The following ABCA12 variants were observed in gnomAD, a reference collection of about 807,000 sequenced individuals.
ABCA12 encodes ATP binding cassette subfamily A member 12.
In ABCA12, 156 loss-of-function variants were observed where a neutral mutation model predicts 293.5. The observed-to-expected ratio is 0.53, with a 90% confidence interval of 0.47 to 0.61. The LOEUF (loss-of-function observed/expected upper bound fraction) is 0.61. Among genes scored for constraint, ABCA12 ranks in the 20% least tolerant of loss-of-function variants. ABCA12 has a pLI of 0.00. For missense variants in ABCA12, 2,797 were observed against 3,090.2 expected (o/e 0.91, Z 2.25); for synonymous variants, 1,063 against 1,108.0 (o/e 0.96, Z 0.81).
At chr2:214,985,818 AC>A (rs1301618933) in intron 28 of ABCA12, among the ~76,000 whole-genome samples, 27 of 152,354 alleles carry the variant, frequency 1.8e-4, no homozygotes, top group African/African-American at 6.5e-4. Context: ...CTTAGAGCTG[AC>A]TCAGCAACTA....
intron 19 of ABCA12, among the ~76,000 whole-genome samples, chr2:215,005,656 C>A (rs1001026668): frequency 6.6e-5 from 10 of 152,196 alleles, no homozygotes; most frequent in African/African-American, 2.4e-4. Flanking sequence ...TAGTTGCAAT[C>A]TGGAGACAAT....
chr2:215,117,092 A>G (rs747888041), intron 1 of ABCA12, among the ~76,000 whole-genome samples: 6 of 152,240 alleles, frequency 3.9e-5, no homozygotes, highest in Admixed American at 1.3e-4. Context: ...ATGGAGCACC[A>G]ATTTCAAATT....
chr2:215,064,693 GCACACACACACACA>G lies in ABCA12; in HGVS notation c.164-488_164-475del, dbSNP rs10541959. 6.2e-3 allele frequency among the ~76,000 whole-genome samples: 873 copies of G among 139,918 alleles called. 4 individuals carry two copies. The highest frequency in any genetic ancestry group is 0.017 in the Middle Eastern group (5 of 288). 91.8% of individuals were successfully genotyped at this position (139,918 alleles called of 152,430 possible). ...GAAGAGTCCTAATCTTTTAATACAC[GCACACACACACACA>G]CACACACACACACACACACACACAC... is the stretch of plus-strand genomic sequence containing the variant. On this transcript the variant is annotated intron_variant, in intron 2 of 52. Coordinates refer to ENST00000272895, the MANE Select transcript of ABCA12 (RefSeq NM_173076.3).
intron 2 of ABCA12, among the ~76,000 whole-genome samples, chr2:215,110,324 C>A (rs1003459297): frequency 6.6e-6 from 1 of 152,118 alleles, no homozygotes; most frequent in East Asian, 1.9e-4. Flanking sequence ...TCCCGGCTAA[C>A]ACAGTGAAAC....
intron 2 of ABCA12, among the ~76,000 whole-genome samples, chr2:215,079,042 G>T (rs978471025): frequency 2.6e-5 from 4 of 152,258 alleles, no homozygotes; most frequent in African/African-American, 9.6e-5. Context: ...TGAACCTTCA[G>T]TAGCCCCTTC....
At chr2:215,120,879 C>A (rs1166679029) in intron 1 of ABCA12, among the ~76,000 whole-genome samples, 2 of 152,186 alleles carry the variant, frequency 1.3e-5, no homozygotes, top group African/African-American at 4.8e-5. Flanking sequence ...TGAAGAGAGA[C>A]AAAATCCCTT....
chr2:215,086,381 G>C (rs950970193), intron 2 of ABCA12, among the ~76,000 whole-genome samples: 1 of 152,192 alleles, frequency 6.6e-6, no homozygotes, highest in African/African-American at 2.4e-5. Context: ...ATTCAAGCCA[G>C]CGAAGCCCTT....
chr2:214,987,369 G>C (rs1198541895), intron 27 of ABCA12, among the ~76,000 whole-genome samples: 2 of 150,820 alleles, frequency 1.3e-5, no homozygotes, highest in South Asian at 2.1e-4. Flanking sequence ...TTGTGGCCAA[G>C]GAACAAAATT....
intron 34 of ABCA12, among the ~76,000 whole-genome samples, 158 bp from the exon 35 acceptor site, chr2:214,975,022 G>A (rs1377525378): frequency 6.6e-6 from 1 of 152,178 alleles, no homozygotes; most frequent in Non-Finnish European, 1.5e-5. Flanking sequence ...GAGTGCAGTA[G>A]TGCAATCACA....
chr2:215,098,695 A>G (rs1042522614), intron 2 of ABCA12, among the ~76,000 whole-genome samples: 2 of 152,252 alleles, frequency 1.3e-5, no homozygotes, highest in African/African-American at 4.8e-5. Flanking sequence ...GACAGATAGC[A>G]TAGAGAGTAG....
chr2:214,965,051 G>A (rs1410504485), intron 39 of ABCA12, among the ~76,000 whole-genome samples: 1 of 151,962 alleles, frequency 6.6e-6, no homozygotes, highest in African/African-American at 2.4e-5. Flanking sequence ...GGAACAGAAT[G>A]GAGAACTCAG....
Position 214,932,537 on chromosome 2 carries a change from C to A in ABCA12, c.*97G>T. The A allele has an allele frequency of 1.1e-6, 1 of 926,058 alleles. No homozygotes were observed. Among genetic ancestry groups the A allele is most frequent in the South Asian group, 1.4e-5 (1 of 71,866 alleles). 57.4% of individuals were successfully genotyped at this position (926,058 alleles called of 1,614,324 possible). The stretch of plus-strand genomic sequence containing the variant: ...ACTTTCCATACAGTATATTACTTTA[C>A]TTTAAAATGAAGATATCTTGCGGAA... On this transcript the variant is annotated 3_prime_UTR_variant, in exon 53 of 53. Transcript: ENST00000272895.
intron 39 of ABCA12, among the ~76,000 whole-genome samples, chr2:214,964,317 C>G (rs1226606098): frequency 4.6e-5 from 7 of 152,108 alleles, no homozygotes; most frequent in African/African-American, 1.7e-4. Context: ...AAAACTGGCA[C>G]AAGACAAGGA....
intron 6 of ABCA12, among the ~76,000 whole-genome samples, chr2:215,049,405 C>T (rs1701272018): frequency 6.6e-6 from 1 of 152,104 alleles, no homozygotes; most frequent in Non-Finnish European, 1.5e-5. Flanking sequence ...TCCACATTAA[C>T]CATAATGTAA....
chr2:214,967,019 T>C (rs16853009), intron 38 of ABCA12, 66 bp from the exon 39 acceptor site: 117,712 of 1,179,976 alleles, frequency 0.1, 9,818 homozygotes, highest in African/African-American at 0.41. Flanking sequence ...TCTTAACATC[T>C]GACAGCTATC....
At chr2:215,003,143 G>T (rs1700178820) in intron 20 of ABCA12, among the ~76,000 whole-genome samples, 1 of 152,078 alleles carries the variant, frequency 6.6e-6, no homozygotes, top group African/African-American at 2.4e-5. Context: ...TTACGTCCCA[G>T]CAGTGCCAGG....
At chr2:214,945,303 T>C (rs1698548519) in intron 48 of ABCA12, among the ~76,000 whole-genome samples, 199 bp from the exon 49 acceptor site, 3 of 152,150 alleles carry the variant, frequency 2.0e-5, no homozygotes, top group Admixed American at 2.0e-4. Flanking sequence ...TCAATCTGTT[T>C]CAAAAAGTGT....
intron 18 of ABCA12, among the ~76,000 whole-genome samples, chr2:215,009,778 ATAAT>A (rs1250412917): frequency 2.0e-5 from 3 of 152,210 alleles, no homozygotes; most frequent in Non-Finnish European, 4.4e-5. Context: ...ATAAATTCAA[ATAAT>A]TAAAGCCAAC....
chr2:215,052,441 G>T (rs955210067), intron 5 of ABCA12, 46 bp downstream of exon 5: 3 of 1,463,368 alleles, frequency 2.1e-6, no homozygotes, highest in East Asian at 2.3e-5. Context: ...AACCTAAAAG[G>T]CCTATGTTGA....
Sources: allele counts gnomAD v4.1 joint callset (sites outside exome capture counted in the v4.1 genomes callset), GRCh38; gene constraint gnomAD v4.1.1; transcripts MANE v1.5; gene names NCBI Gene and HGNC (gene_info 2026-07-23, HGNC 2026-07-21).